XRCC4: variants seen among roughly 807,000 people sequenced by gnomAD.
The protein encoded by XRCC4 is DNA repair protein XRCC4.
In XRCC4, 28 loss-of-function variants were observed where a neutral mutation model predicts 39.1. The observed-to-expected ratio is 0.72, with a 90% CI of 0.53 to 0.98. The LOEUF (loss-of-function observed/expected upper bound fraction) is 0.98. Ranked by LOEUF, XRCC4 falls within the 50% of genes least tolerant of loss-of-function variation. The pLI is 0.00. For synonymous variants in XRCC4, 123 were observed against 126.4 expected, an observed-to-expected ratio of 0.97 and a Z score of 0.18; for missense variants, 350 against 376.4, an observed-to-expected ratio of 0.93 and a Z score of 0.58.
chr5:83,293,833 C>G (rs1468393028), intron 7 of XRCC4, among the ~76,000 whole-genome samples: 2 of 151,888 alleles, frequency 1.3e-5, no homozygotes, highest in African/African-American at 4.8e-5. Context: ...AAAGAATATA[C>G]AAGTACAGAA....
intron 6 of XRCC4, among the ~76,000 whole-genome samples, chr5:83,254,564 G>A (rs73136352): frequency 0.049 from 7,485 of 152,024 alleles, 589 homozygotes; most frequent in African/African-American, 0.17. Context: ...ATATATATAA[G>A]GTAATGAATA....
downstream of XRCC4, among the ~76,000 whole-genome samples, chr5:83,356,910 A>G (rs1471692012): frequency 6.6e-6 from 1 of 152,172 alleles, no homozygotes; most frequent in Admixed American, 6.5e-5. Flanking sequence ...CTCCAGCCTC[A>G]TTACAGAAGT....
chr5:83,286,466 G>T lies in XRCC4; in HGVS notation c.893+27789G>T, dbSNP rs561550450. Among the ~76,000 whole-genome samples, 63 of 152,080 alleles carry T rather than the reference G, an allele frequency of 4.1e-4. 1 individual carries two copies. The highest frequency in any genetic ancestry group is 1.6e-4 in the Non-Finnish European group (11 of 67,996). On this transcript the variant is annotated intron_variant, in intron 7 of 7. Coordinates refer to ENST00000396027, the MANE Select transcript of XRCC4 (RefSeq NM_003401.5). ...TATTTAGCCCCATGTGATTATGGGG[G>T]CTGGCAAGTCTGAAATATGTATGGC... is the stretch of plus-strand genomic sequence containing the variant.
intron 3 of XRCC4, among the ~76,000 whole-genome samples, chr5:83,157,395 T>C (rs1749013859): frequency 6.6e-6 from 1 of 152,092 alleles, no homozygotes; most frequent in South Asian, 2.1e-4. Flanking sequence ...ATAGAGTTTA[T>C]AATCAGTTTT....
intron 3 of XRCC4, among the ~76,000 whole-genome samples, chr5:83,158,168 G>A (rs946911422): frequency 3.3e-5 from 5 of 152,080 alleles, no homozygotes; most frequent in African/African-American, 7.2e-5. Flanking sequence ...AGGTGATGGC[G>A]TTTCTACCAA....
the XRCC4 span, among the ~76,000 whole-genome samples, chr5:83,370,271 C>T: frequency 6.6e-6 from 1 of 152,020 alleles, no homozygotes; most frequent in Admixed American, 6.6e-5. Flanking sequence ...TTGCAGATTC[C>T]CCAATACTCC....
intron 6 of XRCC4, among the ~76,000 whole-genome samples, chr5:83,213,502 A>G (rs569473575): frequency 6.6e-6 from 1 of 152,260 alleles, no homozygotes; most frequent in East Asian, 1.9e-4. Flanking sequence ...CAAAATTTCT[A>G]TATTTGCCAC....
At chr5:83,318,181 A>G (rs568357160) in intron 7 of XRCC4, among the ~76,000 whole-genome samples, 1 of 143,744 alleles carries the variant, frequency 7.0e-6, no homozygotes, top group African/African-American at 2.9e-5. Flanking sequence ...CTCTCAATGA[A>G]TTAGGTGTTG....
intron 7 of XRCC4, among the ~76,000 whole-genome samples, chr5:83,306,754 A>G (rs1755503110): frequency 1.3e-5 from 2 of 152,202 alleles, no homozygotes; most frequent in Admixed American, 1.3e-4. Context: ...GGGCAACAGG[A>G]ACCTGCCTCA....
At chr5:83,139,868 GT>G (rs1748083407) in intron 3 of XRCC4, among the ~76,000 whole-genome samples, 1 of 152,080 alleles carries the variant, frequency 6.6e-6, no homozygotes, top group African/African-American at 2.4e-5. Flanking sequence ...CTGAAATATT[GT>G]TATGTGGTGC....
At chr5:83,099,383 A>G (rs1745819892) in intron 1 of XRCC4, among the ~76,000 whole-genome samples, 1 of 152,186 alleles carries the variant, frequency 6.6e-6, no homozygotes, top group Non-Finnish European at 1.5e-5. Context: ...TGTTGTAACT[A>G]ACTTGAGCTG....
intron 6 of XRCC4, among the ~76,000 whole-genome samples, chr5:83,228,495 A>G (rs896222579): frequency 3.3e-5 from 5 of 152,082 alleles, no homozygotes; most frequent in Admixed American, 1.3e-4. Context: ...AATTACTATT[A>G]TAAGTTCAGT....
chr5:83,131,835 A>G (rs912039613), intron 3 of XRCC4, among the ~76,000 whole-genome samples: 2 of 152,064 alleles, frequency 1.3e-5, no homozygotes, highest in African/African-American at 2.4e-5. Flanking sequence ...TCTTTCTCCA[A>G]TCTGCCTGTC....
rs951567898 is a variant in XRCC4 at position 83,210,468 on chromosome 5, C to A, written c.745+5547C>A. On this transcript the variant is annotated intron_variant, in intron 6 of 7. Transcript: ENST00000396027. Reference sequence around the variant, plus strand: ...CTGTTATTTAAGCTCATTGTTTTTCCAGTGAGGGAACAGAGGCCTAGAAAG... The same window carrying A: ...CTGTTATTTAAGCTCATTGTTTTTCAAGTGAGGGAACAGAGGCCTAGAAAG... Among the ~76,000 whole-genome samples, 6 of 151,982 alleles carry A rather than the reference C, an allele frequency of 3.9e-5. No individual in the cohort carries two copies. In the East Asian group the frequency reaches 1.2e-3, roughly 29 times the overall value.
intron 7 of XRCC4, among the ~76,000 whole-genome samples, chr5:83,295,570 T>C (rs76862218): frequency 0.039 from 5,858 of 152,102 alleles, 164 homozygotes; most frequent in Middle Eastern, 0.14. Context: ...GCAGGTAATA[T>C]TTAAGCTGCA....
chr5:83,270,105 C>G (rs1039765702), intron 7 of XRCC4, among the ~76,000 whole-genome samples: 2 of 152,248 alleles, frequency 1.3e-5, no homozygotes, highest in Middle Eastern at 3.4e-3. Context: ...ACCTAGATGC[C>G]TCGCATGCAC....
chr5:83,354,649 TCC>T (rs1293944632), downstream of XRCC4, among the ~76,000 whole-genome samples: 43 of 152,188 alleles, frequency 2.8e-4, 1 homozygote, highest in Non-Finnish European at 5.7e-4. Flanking sequence ...TTTTAGCATA[TCC>T]AAAGCAGAAA....
chr5:83,111,267 T>C, intron 3 of XRCC4, 64 bp downstream of exon 3: 1 of 1,371,130 alleles, frequency 7.3e-7, no homozygotes, highest in Non-Finnish European at 9.7e-7. Flanking sequence ...GGAATTATAT[T>C]TAAATTTAAG....
chr5:83,196,161 A>G (rs967973643), intron 4 of XRCC4, among the ~76,000 whole-genome samples: 1 of 152,146 alleles, frequency 6.6e-6, no homozygotes, highest in Non-Finnish European at 1.5e-5. Context: ...TTTATAAACA[A>G]TAAGGATTAA....
Sources: gnomAD v4.1 joint callset for allele counts (sites outside exome capture counted in the v4.1 genomes callset) on GRCh38, gnomAD v4.1.1 for gene constraint, MANE v1.5 for transcripts, NCBI Gene and HGNC (gene_info 2026-07-23, HGNC 2026-07-21) for gene names.